PLD1: variants seen among roughly 807,000 people sequenced by gnomAD.
PLD1 encodes the protein phospholipase D1.
Under a neutral mutation model 137.1 loss-of-function variants are expected in PLD1, and 112 were observed. The ratio of observed to expected loss-of-function variants is 0.82; its 90% confidence interval spans 0.70 to 0.96. The LOEUF (loss-of-function observed/expected upper bound fraction) is 0.96. Ranked by LOEUF, PLD1 falls within the 40% of genes least tolerant of loss-of-function variation. The pLI, the probability that PLD1 is intolerant of heterozygous loss-of-function variation, is 0.00. For synonymous variants in PLD1, 431 were observed against 454.7 expected (o/e 0.95, Z 0.66); for missense variants, 1,321 against 1,342.0 (o/e 0.98, Z 0.24).
intron 24 of PLD1, among the ~76,000 whole-genome samples, chr3:171,616,331 G>A (rs749729938): frequency 6.6e-6 from 1 of 152,082 alleles, no homozygotes; most frequent in African/African-American, 2.4e-5. Context: ...TTTGTGGTTT[G>A]TGCTTATTTT....
At chr3:171,669,834 T>C (rs769603088) in intron 19 of PLD1, among the ~76,000 whole-genome samples, 9 of 152,116 alleles carry the variant, frequency 5.9e-5, no homozygotes, top group Non-Finnish European at 5.9e-5. Context: ...GATACTGTCA[T>C]TTATGTTTTT....
chr3:171,787,407 CT>C (rs963436190), intron 1 of PLD1, among the ~76,000 whole-genome samples: 3 of 151,286 alleles, frequency 2.0e-5, no homozygotes, highest in Non-Finnish European at 2.9e-5. Flanking sequence ...GCAATGCCTT[CT>C]TTTTTTTTCA....
chr3:171,810,103 C>T (rs1400238454), intron 1 of PLD1, among the ~76,000 whole-genome samples: 3 of 152,254 alleles, frequency 2.0e-5, no homozygotes, highest in Admixed American at 6.5e-5. Flanking sequence ...GCAGAGGACG[C>T]CTGGGCTTCA....
intron 23 of PLD1, among the ~76,000 whole-genome samples, chr3:171,623,528 T>TA (rs1472096413): frequency 5.9e-5 from 9 of 151,588 alleles, no homozygotes; most frequent in African/African-American, 2.2e-4. Flanking sequence ...TTCACCATGT[T>TA]AGCCAGGATG....
intron 16 of PLD1, among the ~76,000 whole-genome samples, chr3:171,684,274 T>C (rs984603130): frequency 6.6e-6 from 1 of 152,256 alleles, no homozygotes; most frequent in African/African-American, 2.4e-5. Flanking sequence ...ATAATCTTCA[T>C]GGGTTGGCAA....
chr3:171,733,030 C>T (rs1719067444), intron 6 of PLD1, among the ~76,000 whole-genome samples: 1 of 152,302 alleles, frequency 6.6e-6, no homozygotes, highest in South Asian at 2.1e-4. Flanking sequence ...AGATGGCAAT[C>T]GCCCTACGCA....
rs1735491937 is a variant in PLD1 at position 171,639,571 on chromosome 3, A to G, written c.2593+3269T>C. 8.9e-5 allele frequency among the ~76,000 whole-genome samples: 8 copies of G among 90,344 alleles called. No individual in the cohort carries two copies. The East Asian group carries it at 1.3e-3, about 15-fold the overall frequency. The allele number at this position is 90,344 out of a possible 152,430, so 59.3% of individuals were successfully genotyped here. A position where few individuals can be genotyped will look rare whatever the true frequency, so the allele number is the denominator to read the frequency against. On this transcript the variant is annotated intron_variant, in intron 23 of 26. Coordinates refer to ENST00000351298, the MANE Select transcript of PLD1 (RefSeq NM_002662.5). ...TATATTCATATAATATATATTATAT[A>G]TAATATATATTCATATAATATATAT...
At chr3:171,761,590 G>C (rs1334011003) in intron 1 of PLD1, among the ~76,000 whole-genome samples, 1 of 152,174 alleles carries the variant, frequency 6.6e-6, no homozygotes, top group Non-Finnish European at 1.5e-5. Context: ...AACTTGGATG[G>C]AGAAGCCTGG....
At chr3:171,706,576 T>A (rs1349184455) in intron 11 of PLD1, among the ~76,000 whole-genome samples, 1 of 152,194 alleles carries the variant, frequency 6.6e-6, no homozygotes, top group African/African-American at 2.4e-5. Flanking sequence ...TCATTGTTTT[T>A]CTTTTGTATT....
At chr3:171,627,684 G>C (rs977836725) in intron 23 of PLD1, among the ~76,000 whole-genome samples, 98 of 152,242 alleles carry the variant, frequency 6.4e-4, no homozygotes, top group Middle Eastern at 3.4e-3. Flanking sequence ...TGCAATCAAA[G>C]TAGAACTCAG....
At chr3:171,772,299 T>C (rs1722400688) in intron 1 of PLD1, among the ~76,000 whole-genome samples, 1 of 152,264 alleles carries the variant, frequency 6.6e-6, no homozygotes, top group Non-Finnish European at 1.5e-5. Context: ...TTTTGAACTT[T>C]AATTATTGTT....
At chr3:171,738,215 A>T (rs1196088363) in intron 1 of PLD1, 133 bp from the exon 2 acceptor site, 1 of 448,262 alleles carries the variant, frequency 2.2e-6, no homozygotes, top group Non-Finnish European at 3.9e-6. Flanking sequence ...TCAGTTATCC[A>T]AAACAACCTT....
rs34683994 is a variant in PLD1, at chr3:171,770,888, C to CAAAAAAAAAAAAAAAA, written c.-31-32822_-31-32807dup. Among the ~76,000 whole-genome samples the CAAAAAAAAAAAAAAAA allele has an allele frequency of 4.6e-4, 19 of 40,876 alleles. 2 individuals are homozygous for CAAAAAAAAAAAAAAAA. Among genetic ancestry groups the CAAAAAAAAAAAAAAAA allele is most frequent in the African/African-American group, 1.5e-3 (19 of 12,600 alleles). 26.8% of individuals were successfully genotyped at this position (40,876 alleles called of 152,430 possible). A position where few individuals can be genotyped will look rare whatever the true frequency, so the allele number is the denominator to read the frequency against. On this transcript the variant is annotated intron_variant, in intron 1 of 26. Transcript: ENST00000351298. ...TTGGTGACAGAGCAAAACCCTATCT[C>CAAAAAAAAAAAAAAAA]AAAAAAAAAAAAAAAAAAAAAAAGG...
rs552838443 is a variant in PLD1 at position 171,800,201 on chromosome 3, C to A, written c.-32+10198G>T. 3.3e-5 allele frequency among the ~76,000 whole-genome samples: 5 copies of A among 152,188 alleles called. No homozygotes were observed. In the South Asian group the frequency reaches 1.0e-3, roughly 32 times the overall value. ...AAATCTAAAACAAACATAATTTTTA[C>A]TTCTTTATTTTTTATTTTTATTTTT... On this transcript the variant is annotated intron_variant, in intron 1 of 26. Transcript: ENST00000351298.
intron 8 of PLD1, among the ~76,000 whole-genome samples, chr3:171,722,165 A>G (rs1048392900): frequency 1.3e-5 from 2 of 152,176 alleles, no homozygotes; most frequent in Non-Finnish European, 2.9e-5. Flanking sequence ...TTATGTGCCA[A>G]ACTTGGGGGA....
In PLD1 at chr3:171,642,855, G is replaced by T; in HGVS notation, c.2578C>A (p.Gln860Lys). 6.3e-7 allele frequency: 1 copy of T among 1,586,532 alleles called. No homozygotes were observed. The highest frequency in any genetic ancestry group is 8.6e-7 in the Non-Finnish European group (1 of 1,162,080). The part of the protein sequence containing the change: ...MCRGENSILG[Q>K]LKAELGNQWI... ...AGTTACTTACGCTCTGCTTTTAACT[G>T]TCCAAGGATGGAATTTTCTCCTCTG... Residue 860 changes from glutamine (Q) to lysine (K), a missense_variant, in exon 23 of 27, where the codon CAG becomes AAG. By Grantham distance (53) the Gln-to-Lys change is moderately conservative. Coordinates refer to ENST00000351298, the MANE Select transcript of PLD1 (RefSeq NM_002662.5).
intron 20 of PLD1, among the ~76,000 whole-genome samples, chr3:171,659,802 G>A (rs1737516427): frequency 6.6e-6 from 1 of 152,030 alleles, no homozygotes; most frequent in South Asian, 2.1e-4. Flanking sequence ...ACCTTGTCTT[G>A]TTTGTCTGGG....
rs946500126 is a variant in PLD1 at position 171,645,507 on chromosome 3, C to T, written c.2430-484G>A. On this transcript the variant is annotated intron_variant, in intron 21 of 26. Transcript: ENST00000351298. ...GCAAAAAGACACACTGGACCCATTA[C>T]ATTTTCCAAAACAGAAGTCATCATT... 4.6e-5 allele frequency among the ~76,000 whole-genome samples: 7 copies of T among 152,298 alleles called. No individual in the cohort carries two copies. The Middle Eastern group carries it at 0.01, about 222-fold the overall frequency.
At position 171,708,748 on chromosome 3, in the gene PLD1, T is replaced by C. The variant is rs756137154; in HGVS notation, c.1145+7A>G. 7 of 1,519,338 alleles carry C rather than the reference T, an allele frequency of 4.6e-6. No homozygotes were observed. The highest frequency in any genetic ancestry group is 1.1e-5 in the South Asian group (1 of 89,220). 94.1% of individuals were successfully genotyped at this position (1,519,338 alleles called of 1,614,324 possible). A position where few individuals can be genotyped will look rare whatever the true frequency, so the allele number is the denominator to read the frequency against. ...CCAGAAAAAAATTCCCAGGGACAAA[T>C]ACTAACCACCAGTCTGTGATAAAAA... is the stretch of plus-strand genomic sequence containing the variant. On this transcript the variant is annotated splice_region_variant and intron_variant, in intron 11 of 26. Transcript: ENST00000351298.
Sources: gnomAD v4.1 joint callset for allele counts (sites outside exome capture counted in the v4.1 genomes callset) on GRCh38, gnomAD v4.1.1 for gene constraint, MANE v1.5 for transcripts, NCBI Gene and HGNC (gene_info 2026-07-23, HGNC 2026-07-21) for gene names.